RPL37: variants seen among roughly 807,000 people sequenced by gnomAD.
RPL37 encodes the protein ribosomal protein L37, also known as large ribosomal subunit protein eL37.
RPL37 carries 1 observed loss-of-function variant against 14.8 expected under a neutral mutation model. The ratio of observed to expected loss-of-function variants is 0.07; its 90% CI spans 0.02 to 0.32. The LOEUF is 0.32. Ranked by LOEUF, RPL37 falls within the 10% of genes least tolerant of loss-of-function variation. The pLI is 1.00. For synonymous variants in RPL37, 53 were observed against 45.8 expected, an observed-to-expected ratio of 1.16 and a Z score of -0.63; for missense variants, 100 against 128.3, an observed-to-expected ratio of 0.78 and a Z score of 1.06.
Position 40,827,209 on chromosome 5 carries a change from A to AAGCC in RPL37, c.*5291_*5294dup, listed in dbSNP as rs1745535810. ...TTATCTGCGGGGCCCAGGGATTATG[A>AAGCC]AGCCAGCCAGCCAAGGAAGAACTAC... is the stretch of plus-strand genomic sequence containing the variant. On this transcript the variant is annotated 3_prime_UTR_variant, in exon 4 of 4. Transcript: ENST00000274242. The AAGCC allele has an allele frequency of 6.6e-6, 1 of 152,338 alleles. No individual in the cohort carries two copies. The highest frequency in any genetic ancestry group is 2.4e-5 in the African/African-American group (1 of 41,458). 9.4% of individuals were successfully genotyped at this position (152,338 alleles called of 1,614,324 possible).
intron 3 of RPL37, chr5:40,832,800 G>A (rs1579793028): frequency 4.9e-6 from 3 of 611,682 alleles, no homozygotes; most frequent in Non-Finnish European, 6.2e-6. Context: ...TGCAATAAAG[G>A]CTCAAAAACT....
chr5:40,827,996 G>C lies in RPL37; in HGVS notation c.*4508C>G, dbSNP rs1449460763. The C allele has an allele frequency of 1.3e-5, 2 of 152,020 alleles. No individual in the cohort carries two copies. Among genetic ancestry groups the C allele is most frequent in the African/African-American group, 4.8e-5 (2 of 41,386 alleles). The allele number at this position is 152,020 out of a possible 1,614,324, so 9.4% of individuals were successfully genotyped here. A position where few individuals can be genotyped will look rare whatever the true frequency, so the allele number is the denominator to read the frequency against. On this transcript the variant is annotated 3_prime_UTR_variant, in exon 4 of 4. Coordinates refer to ENST00000274242, the MANE Select transcript of RPL37 (RefSeq NM_000997.5). ...AAACACCTAAATATAATCCAAATGT[G>C]CTAATAAATGTGAAACAGCCTCTTT...
chr5:40,835,107 C>G (rs370849097), intron 1 of RPL37, 76 bp downstream of exon 1: 120 of 1,600,660 alleles, frequency 7.5e-5, no homozygotes, highest in Middle Eastern at 5.0e-4. Context: ...CTTGCCAGCC[C>G]CCCAAGCACA....
At position 40,834,581 on chromosome 5, in the gene RPL37, T is replaced by C; in HGVS notation, c.29A>G (p.Lys10Arg). The change falls in exon 2 of 4, where the codon AAG becomes AGG. Residue 10 changes from lysine (K) to arginine (R), a missense_variant. By Grantham distance (26) the Lys-to-Arg change is conservative. This residue lies in a region of RPL37 where 26 missense variants were observed against 58.3 expected (regional missense o/e 0.45). Coordinates refer to ENST00000274242, the MANE Select transcript of RPL37 (RefSeq NM_000997.5). The stretch of plus-strand genomic sequence containing the variant: ...CAACGTGTGCGTCTTATTGCGACGC[T>C]TTCCAAACGATGACGTTCCCTTCGT... MTKGTSSFG[K>R]RRNKTHTLCR... 1 of 1,613,650 alleles carries C rather than the reference T, an allele frequency of 6.2e-7. No homozygotes were observed. Among genetic ancestry groups the C allele is most frequent in the Non-Finnish European group, 8.5e-7 (1 of 1,179,880 alleles).
Position 40,830,837 on chromosome 5 carries a change from T to TA in RPL37, c.*1666dup, listed in dbSNP as rs1340270133. The TA allele has an allele frequency of 1.3e-4, 19 of 151,996 alleles. No individual in the cohort carries two copies. The highest frequency in any genetic ancestry group is 3.4e-4 in the African/African-American group (14 of 41,356). 9.4% of individuals were successfully genotyped at this position (151,996 alleles called of 1,614,324 possible). On this transcript the variant is annotated 3_prime_UTR_variant, in exon 4 of 4. Coordinates refer to ENST00000274242, the MANE Select transcript of RPL37 (RefSeq NM_000997.5). ...GGGGTCAGGGTACCTTCACTAGACT[T>TA]AGACTTCTGAAGCCCAAACTGGCCA...
intron 2 of RPL37, 99 bp downstream of exon 2, chr5:40,834,370 CGA>C: frequency 6.4e-7 from 1 of 1,569,292 alleles, no homozygotes; most frequent in Non-Finnish European, 8.7e-7. Flanking sequence ...TACAGATGTA[CGA>C]GTTTTAAGAT....
chr5:40,833,243 C>A (rs1430325418), intron 3 of RPL37, among the ~76,000 whole-genome samples: 1 of 152,102 alleles, frequency 6.6e-6, no homozygotes, highest in Admixed American at 6.6e-5. Context: ...ACTCCGGAGA[C>A]TGAGTGGGTA....
At position 40,826,598 on chromosome 5, in the gene RPL37, T is replaced by C. The variant is rs1034569068; in HGVS notation, c.*5906A>G. The C allele has an allele frequency of 6.6e-6, 1 of 152,186 alleles. No individual in the cohort carries two copies. The highest frequency in any genetic ancestry group is 2.4e-5 in the African/African-American group (1 of 41,454). The allele number at this position is 152,186 out of a possible 1,614,324, so 9.4% of individuals were successfully genotyped here. On this transcript the variant is annotated 3_prime_UTR_variant, in exon 4 of 4. Transcript: ENST00000274242. ...TTGAAATGTGTTTCGTACAACCATT[T>C]AGCTGGGGAGCCCAGAGAGGGCTGC...
chr5:40,826,682 G>A lies in RPL37; in HGVS notation c.*5822C>T, dbSNP rs1263932286. The A allele has an allele frequency of 6.6e-6, 1 of 152,212 alleles. No individual in the cohort carries two copies. The highest frequency in any genetic ancestry group is 1.5e-5 in the Non-Finnish European group (1 of 68,066). 9.4% of individuals were successfully genotyped at this position (152,212 alleles called of 1,614,324 possible). A position where few individuals can be genotyped will look rare whatever the true frequency, so the allele number is the denominator to read the frequency against. On this transcript the variant is annotated 3_prime_UTR_variant, in exon 4 of 4. Coordinates refer to ENST00000274242, the MANE Select transcript of RPL37 (RefSeq NM_000997.5). ...GGCCAGGGATGTGAGAATGTTTCCT[G>A]AGGACCAGATGTGTGACACTCAGGA...
At position 40,830,806 on chromosome 5, in the gene RPL37, T is replaced by C. The variant is rs1745625521; in HGVS notation, c.*1698A>G. 1 of 151,500 alleles carries C rather than the reference T, an allele frequency of 6.6e-6. No individual in the cohort carries two copies. Among genetic ancestry groups the C allele is most frequent in the Non-Finnish European group, 1.5e-5 (1 of 67,954 alleles). The allele number at this position is 151,500 out of a possible 1,614,324, so 9.4% of individuals were successfully genotyped here. A position where few individuals can be genotyped will look rare whatever the true frequency, so the allele number is the denominator to read the frequency against. ...CACCACACCGGCCTCAAGGGTTGTT[T>C]ATATGGGGGTCAGGGTACCTTCACT... On this transcript the variant is annotated 3_prime_UTR_variant, in exon 4 of 4. Transcript: ENST00000274242.
chr5:40,833,855 G>GT (rs1745695562), intron 3 of RPL37: 1 of 235,512 alleles, frequency 4.2e-6, no homozygotes, highest in African/African-American at 2.3e-5. Flanking sequence ...ATTATCCTGG[G>GT]TAACATGACA....
Position 40,826,120 on chromosome 5 carries a change from A to G in RPL37, c.*6384T>C, listed in dbSNP as rs1336584573. 2 of 152,180 alleles carry G rather than the reference A, an allele frequency of 1.3e-5. No homozygotes were observed. The highest frequency in any genetic ancestry group is 1.9e-4 in the East Asian group (1 of 5,204). 9.4% of individuals were successfully genotyped at this position (152,180 alleles called of 1,614,324 possible). Reference sequence around the variant, plus strand: ...ATAACTTTCCTCCAAATAACTTACTAATTTTATTCATATAACACTCCTCAG... The same window carrying G: ...ATAACTTTCCTCCAAATAACTTACTGATTTTATTCATATAACACTCCTCAG... On this transcript the variant is annotated 3_prime_UTR_variant, in exon 4 of 4. Transcript: ENST00000274242.
chr5:40,827,038 C>G lies in RPL37; in HGVS notation c.*5466G>C, dbSNP rs1745532493. 1.3e-5 allele frequency: 2 copies of G among 152,258 alleles called. No individual in the cohort carries two copies. Among genetic ancestry groups the G allele is most frequent in the African/African-American group, 4.8e-5 (2 of 41,448 alleles). The allele number at this position is 152,258 out of a possible 1,614,324, so 9.4% of individuals were successfully genotyped here. A position where few individuals can be genotyped will look rare whatever the true frequency, so the allele number is the denominator to read the frequency against. ...AAGCCAATGGCACCTCTGAGCCTCC[C>G]AAAGTGCTGGGATGACAAGCATGAA... On this transcript the variant is annotated 3_prime_UTR_variant, in exon 4 of 4. Transcript: ENST00000274242.
chr5:40,834,102 C>T lies in RPL37; in HGVS notation c.224+79G>A. Reference sequence around the variant, plus strand: ...CTCATCCCCAGTAACCATCAGGGTACTGTTATCTTTTTACAAGTAAACACG... The same window carrying T: ...CTCATCCCCAGTAACCATCAGGGTATTGTTATCTTTTTACAAGTAAACACG... On this transcript the variant is annotated intron_variant, in intron 3 of 3. Coordinates refer to ENST00000274242, the MANE Select transcript of RPL37 (RefSeq NM_000997.5). The T allele has an allele frequency of 3.0e-6, 3 of 989,752 alleles. No homozygotes were observed. In the South Asian group the frequency reaches 3.9e-5, roughly 13 times the overall value. The allele number at this position is 989,752 out of a possible 1,614,324, so 61.3% of individuals were successfully genotyped here.
At chr5:40,834,145 C>T in intron 3 of RPL37, 36 bp downstream of exon 3, 2 of 1,431,486 alleles carry the variant, frequency 1.4e-6, no homozygotes, top group Non-Finnish European at 2.0e-6. Flanking sequence ...CATTCAAGCC[C>T]ACTGGACCAA....
chr5:40,832,380 C>T lies in RPL37; in HGVS notation c.*124G>A. On this transcript the variant is annotated 3_prime_UTR_variant, in exon 4 of 4. Coordinates refer to ENST00000274242, the MANE Select transcript of RPL37 (RefSeq NM_000997.5). Reference sequence around the variant, plus strand: ...AAGTAAATCTGATATGAAGCTAGCCCAGTCCCTAAACCTACAGTATTTCAC... The same window carrying T: ...AAGTAAATCTGATATGAAGCTAGCCTAGTCCCTAAACCTACAGTATTTCAC... 1 of 835,552 alleles carries T rather than the reference C, an allele frequency of 1.2e-6. No individual in the cohort carries two copies. Among genetic ancestry groups the T allele is most frequent in the East Asian group, 2.5e-5 (1 of 40,382 alleles). The allele number at this position is 835,552 out of a possible 1,614,324, so 51.8% of individuals were successfully genotyped here. A position where few individuals can be genotyped will look rare whatever the true frequency, so the allele number is the denominator to read the frequency against.
At position 40,832,157 on chromosome 5, in the gene RPL37, AAAC is replaced by A; in HGVS notation, c.*344_*346del. 3.9e-6 allele frequency: 1 copy of A among 255,798 alleles called. No individual in the cohort carries two copies. 15.8% of individuals were successfully genotyped at this position (255,798 alleles called of 1,614,324 possible). ...ATGAACATGTTGCTAAAGGTAATTT[AAAC>A]ATCATACTCTTTCAAATTTACTCAA... On this transcript the variant is annotated 3_prime_UTR_variant, in exon 4 of 4. Coordinates refer to ENST00000274242, the MANE Select transcript of RPL37 (RefSeq NM_000997.5).
At chr5:40,832,725 A>C (rs1226440732) in intron 3 of RPL37, 152 bp from the exon 4 acceptor site, 1 of 761,446 alleles carries the variant, frequency 1.3e-6, no homozygotes, top group African/African-American at 1.7e-5. Flanking sequence ...TTACAACATC[A>C]CTGATAAGCT....
intron 3 of RPL37, 177 bp from the exon 4 acceptor site, chr5:40,832,750 TG>T: frequency 1.4e-6 from 1 of 736,702 alleles, no homozygotes; most frequent in Non-Finnish European, 2.5e-6. Flanking sequence ...TTCTTCACTT[TG>T]CTTAAAGATA....
Sources: gnomAD v4.1 joint callset for allele counts (sites outside exome capture counted in the v4.1 genomes callset) on GRCh38, gnomAD v4.1.1 for gene constraint, gnomAD v4.1.1 regional missense constraint, MANE v1.5 for transcripts, NCBI Gene and HGNC (gene_info 2026-07-23, HGNC 2026-07-21) for gene names.